Variants in SUPT3H observed in about 807,000 individuals in gnomAD.
The protein encoded by SUPT3H is transcription initiation protein SPT3 homolog.
SUPT3H carries 44 observed loss-of-function variants against 44.3 expected under a neutral mutation model. That is an observed-to-expected ratio of 0.99 (90% CI 0.78 to 1.28). The LOEUF (loss-of-function observed/expected upper bound fraction) is 1.28. SUPT3H is among the 50% of genes most tolerant of loss of function. The pLI, the probability that SUPT3H is intolerant of heterozygous loss-of-function variation, is 0.00. For synonymous variants in SUPT3H, 124 were observed against 125.6 expected, an observed-to-expected ratio of 0.99 and a Z score of 0.09; for missense variants, 380 against 387.1, an observed-to-expected ratio of 0.98 and a Z score of 0.15.
At chr6:45,312,463 C>A (rs1394086583) in intron 2 of SUPT3H, among the ~76,000 whole-genome samples, 1 of 146,782 alleles carries the variant, frequency 6.8e-6, no homozygotes, top group Non-Finnish European at 1.5e-5. Context: ...TGCAGTGAGC[C>A]GAGATCGTGC....
intron 3 of SUPT3H, among the ~76,000 whole-genome samples, chr6:45,064,609 A>AG (rs1318467127): frequency 7.0e-6 from 1 of 143,374 alleles, no homozygotes; most frequent in African/African-American, 2.6e-5. Flanking sequence ...AAAAGGATGG[A>AG]GGAAGATCTA....
chr6:44,909,136 TGTGTGC>T (rs1302682502), intron 10 of SUPT3H, among the ~76,000 whole-genome samples: 91 of 87,814 alleles, frequency 1.0e-3, no homozygotes, highest in African/African-American at 3.6e-3. Context: ...TGTGTGTGTG[TGTGTGC>T]GTGTGTGTGT....
chr6:45,057,493 A>G lies in SUPT3H; in HGVS notation c.187-36861T>C, dbSNP rs555890079. Among the ~76,000 whole-genome samples, 4 of 152,284 alleles carry G rather than the reference A, an allele frequency of 2.6e-5. No homozygotes were observed. The East Asian group carries it at 7.7e-4, about 29-fold the overall frequency. On this transcript the variant is annotated intron_variant, in intron 3 of 10. Coordinates refer to ENST00000371459, the MANE Select transcript of SUPT3H (RefSeq NM_003599.4). The stretch of plus-strand genomic sequence containing the variant: ...AAAACTAACTAAACTAAAAAAACAA[A>G]AAACAAAAAAACAAAACAAAAAAAA...
intron 3 of SUPT3H, among the ~76,000 whole-genome samples, chr6:45,070,924 G>A (rs185991699): frequency 1.3e-3 from 200 of 152,064 alleles, no homozygotes; most frequent in African/African-American, 4.6e-3. Context: ...ACAAACATCC[G>A]AGCCGCAAAA....
At chr6:45,098,737 C>T in intron 3 of SUPT3H, 1 of 443,644 alleles carries the variant, frequency 2.3e-6, no homozygotes, top group Non-Finnish European at 4.5e-6. Context: ...AATACCCTTT[C>T]TGAGACAGAT....
chr6:45,222,885 T>C (rs1342277831), intron 2 of SUPT3H, among the ~76,000 whole-genome samples: 1 of 152,092 alleles, frequency 6.6e-6, no homozygotes, highest in African/African-American at 2.4e-5. Context: ...TACTAATGAA[T>C]GCAACAACAT....
chr6:45,308,234 G>C (rs138245012), intron 2 of SUPT3H, among the ~76,000 whole-genome samples: 5,844 of 152,118 alleles, frequency 0.038, 152 homozygotes, highest in Middle Eastern at 0.065. Context: ...TGCAAAATCA[G>C]GAAATACAGA....
chr6:44,855,597 T>C (rs979478456), intron 10 of SUPT3H, among the ~76,000 whole-genome samples: 4 of 152,108 alleles, frequency 2.6e-5, no homozygotes, highest in Admixed American at 2.0e-4. Context: ...AGAATTAATA[T>C]ACAGCAAAGA....
At chr6:45,262,939 T>C (rs559635515) in intron 2 of SUPT3H, among the ~76,000 whole-genome samples, 5 of 152,258 alleles carry the variant, frequency 3.3e-5, no homozygotes, top group South Asian at 4.1e-4. Flanking sequence ...CACAATAAGA[T>C]ACCATCTCAC....
rs1348751003 is a variant in SUPT3H, at chr6:44,953,304, A to G, written c.801+6T>C. On this transcript the variant is annotated splice_donor_region_variant and intron_variant, in intron 9 of 10. Transcript: ENST00000371459. ...ATGTTTTAAGACAGATTTTTTTTGT[A>G]CTTACCTCAGCAGAGTTGTGATACT... is the stretch of plus-strand genomic sequence containing the variant. 1 of 1,611,634 alleles carries G rather than the reference A, an allele frequency of 6.2e-7. No homozygotes were observed. Among genetic ancestry groups the G allele is most frequent in the East Asian group, 2.2e-5 (1 of 44,844 alleles).
At chr6:45,057,047 T>C (rs1467804288) in intron 3 of SUPT3H, among the ~76,000 whole-genome samples, 1 of 152,134 alleles carries the variant, frequency 6.6e-6, no homozygotes, top group Non-Finnish European at 1.5e-5. Context: ...TATTTGAGTG[T>C]ATTTCACAAA....
chr6:45,338,355 AATT>A (rs1369065178), intron 2 of SUPT3H, among the ~76,000 whole-genome samples: 1 of 152,086 alleles, frequency 6.6e-6, no homozygotes, highest in East Asian at 1.9e-4. Context: ...AAAAAAAAAA[AATT>A]ATAGGCAACT....
chr6:45,352,194 C>G (rs113737174), intron 2 of SUPT3H, among the ~76,000 whole-genome samples: 67 of 152,264 alleles, frequency 4.4e-4, no homozygotes, highest in Middle Eastern at 3.4e-3. Context: ...AGAAAAGAGT[C>G]AGTCCCAAAG....
At chr6:45,094,141 CT>C (rs1437096152) in intron 3 of SUPT3H, among the ~76,000 whole-genome samples, 1 of 152,076 alleles carries the variant, frequency 6.6e-6, no homozygotes, top group Admixed American at 6.6e-5. Flanking sequence ...ATCTAAAACA[CT>C]TGGAACCTAA....
At chr6:45,268,228 A>G (rs768696076) in intron 2 of SUPT3H, among the ~76,000 whole-genome samples, 1 of 152,206 alleles carries the variant, frequency 6.6e-6, no homozygotes, top group Non-Finnish European at 1.5e-5. Context: ...AATAATTTAT[A>G]TCTTGTAATT....
intron 2 of SUPT3H, among the ~76,000 whole-genome samples, chr6:45,174,439 T>G (rs899343644): frequency 5.3e-5 from 8 of 152,230 alleles, no homozygotes; most frequent in Non-Finnish European, 8.8e-5. Context: ...TTCTGACCTC[T>G]TTCTTTCAAA....
intron 2 of SUPT3H, chr6:45,322,004 A>G (rs1785567975): frequency 4.7e-6 from 3 of 633,982 alleles, no homozygotes; most frequent in Middle Eastern, 4.3e-4. Flanking sequence ...CCAGTTCCCA[A>G]GAAGTTTTAA....
At chr6:45,270,218 T>G (rs4400216) in intron 2 of SUPT3H, among the ~76,000 whole-genome samples, 34,508 of 152,058 alleles carry the variant, frequency 0.23, 4,595 homozygotes, top group Non-Finnish European at 0.31. Flanking sequence ...AGCCACTTAT[T>G]ACTCTATCCC....
chr6:45,119,842 T>TA (rs1442457961), intron 2 of SUPT3H, among the ~76,000 whole-genome samples: 1 of 152,152 alleles, frequency 6.6e-6, no homozygotes, highest in African/African-American at 2.4e-5. Flanking sequence ...ATTAATGATT[T>TA]ATTTTTTTTA....
Sources: allele counts gnomAD v4.1 joint callset (sites outside exome capture counted in the v4.1 genomes callset), GRCh38; gene constraint gnomAD v4.1.1; transcripts MANE v1.5; gene names NCBI Gene and HGNC (gene_info 2026-07-23, HGNC 2026-07-21).